RUNX2: variants seen among roughly 807,000 people sequenced by gnomAD.
RUNX2 encodes runt-related transcription factor 2.
A neutral mutation model predicts 51.7 loss-of-function variants in RUNX2; 10 were observed. The ratio of observed to expected loss-of-function variants is 0.19; its 90% CI spans 0.12 to 0.33. The LOEUF is 0.33. RUNX2 is among the 10% of genes least tolerant of loss of function. The pLI is 1.00. For synonymous variants in RUNX2, 276 were observed against 273.6 expected (o/e 1.01, Z -0.09); for missense variants, 562 against 691.3 (o/e 0.81, Z 2.10).
At chr6:45,328,517 T>C in intron 1 of RUNX2, 57 bp downstream of exon 1, 2 of 1,555,790 alleles carry the variant, frequency 1.3e-6, no homozygotes, top group East Asian at 4.8e-5. Context: ...AAATATTTGC[T>C]CATTCTCTTT....
At chr6:45,419,445 GA>G (rs1057094144) in intron 2 of RUNX2, among the ~76,000 whole-genome samples, 3 of 151,794 alleles carry the variant, frequency 2.0e-5, no homozygotes, top group South Asian at 4.2e-4. Context: ...AAAAAGGCAG[GA>G]AAAAAAAGCC....
At chr6:45,496,166 T>C (rs1174854005) in intron 6 of RUNX2, among the ~76,000 whole-genome samples, 1 of 152,166 alleles carries the variant, frequency 6.6e-6, no homozygotes, top group Non-Finnish European at 1.5e-5. Context: ...TTGGGAGATA[T>C]CGCTTAAGAT....
intron 4 of RUNX2, among the ~76,000 whole-genome samples, chr6:45,433,613 G>A (rs1240140344): frequency 6.6e-6 from 1 of 152,050 alleles, no homozygotes; most frequent in African/African-American, 2.4e-5. Flanking sequence ...TATAGATGCT[G>A]CATAACTTTT....
At chr6:45,446,276 G>A (rs908206963) in intron 5 of RUNX2, among the ~76,000 whole-genome samples, 2 of 152,190 alleles carry the variant, frequency 1.3e-5, no homozygotes, top group African/African-American at 2.4e-5. Context: ...CAAGAGCACA[G>A]TTTCCACATG....
At chr6:45,354,546 A>G (rs1382257701) in intron 2 of RUNX2, among the ~76,000 whole-genome samples, 1 of 117,690 alleles carries the variant, frequency 8.5e-6, no homozygotes. Context: ...GGATTGTCTC[A>G]GTTTCCTTGG....
At chr6:45,360,934 T>C (rs1286308475) in intron 2 of RUNX2, among the ~76,000 whole-genome samples, 1 of 152,172 alleles carries the variant, frequency 6.6e-6, no homozygotes, top group Non-Finnish European at 1.5e-5. Context: ...CTAGACTATA[T>C]GCCTCTTGAA....
rs1308653244 is a variant in RUNX2 at position 45,531,659 on chromosome 6, C to T, written c.1022-13558C>T. 4.0e-5 allele frequency among the ~76,000 whole-genome samples: 6 copies of T among 151,652 alleles called. No homozygotes were observed. The South Asian group carries it at 8.3e-4, about 21-fold the overall frequency. On this transcript the variant is annotated intron_variant, in intron 7 of 8. Coordinates refer to ENST00000647337, the MANE Select transcript of RUNX2 (RefSeq NM_001024630.4). ...TCCCAGCTACTTGGGAGGCTGAGGC[C>T]GGAGAATCGCTTGAACCCAGGAGAC...
At chr6:45,366,264 G>T (rs1395658242) in intron 2 of RUNX2, among the ~76,000 whole-genome samples, 1 of 152,134 alleles carries the variant, frequency 6.6e-6, no homozygotes, top group Non-Finnish European at 1.5e-5. Flanking sequence ...AAACTAAGAG[G>T]GCAGGTTCTG....
chr6:45,402,152 A>C (rs1192620357), intron 2 of RUNX2, among the ~76,000 whole-genome samples: 3 of 152,222 alleles, frequency 2.0e-5, no homozygotes, highest in Admixed American at 6.5e-5. Flanking sequence ...TTTGTTTGCC[A>C]CTTCACTTTC....
chr6:45,545,135 C>T, intron 7 of RUNX2, 82 bp from the exon 8 acceptor site: 1 of 1,183,794 alleles, frequency 8.4e-7, no homozygotes. Context: ...AAGGCTGTTG[C>T]TTCTCCTTCT....
chr6:45,468,230 T>G (rs951265800), intron 5 of RUNX2, among the ~76,000 whole-genome samples: 1 of 152,222 alleles, frequency 6.6e-6, no homozygotes, highest in African/African-American at 2.4e-5. Context: ...TTTACTATCC[T>G]CAATGAAATC....
intron 2 of RUNX2, among the ~76,000 whole-genome samples, chr6:45,403,248 T>TTTTTTTG (rs572753634): frequency 4.0e-4 from 58 of 144,648 alleles, no homozygotes; most frequent in South Asian, 1.4e-3. Flanking sequence ...TTTTTTTTTT[T>TTTTTTTG]TTGAGACGGA....
intron 2 of RUNX2, among the ~76,000 whole-genome samples, chr6:45,412,942 G>T (rs1388079871): frequency 6.6e-6 from 1 of 151,968 alleles, no homozygotes; most frequent in Non-Finnish European, 1.5e-5. Context: ...GTAGAGGCGG[G>T]GTTTCACCAT....
intron 7 of RUNX2, among the ~76,000 whole-genome samples, chr6:45,532,047 G>A (rs191545906): frequency 5.3e-5 from 8 of 151,808 alleles, no homozygotes; most frequent in African/African-American, 1.9e-4. Context: ...AAAGTTAGTA[G>A]TGTTCCCATT....
intron 7 of RUNX2, among the ~76,000 whole-genome samples, chr6:45,517,043 G>GCC (rs1801353599): frequency 2.6e-5 from 4 of 152,082 alleles, no homozygotes; most frequent in African/African-American, 9.7e-5. Context: ...TTGGCATAAT[G>GCC]AAGTAGAAGG....
At position 45,366,237 on chromosome 6, in the gene RUNX2, T is replaced by G. The variant is rs541754470; in HGVS notation, c.58+37453T>G. On this transcript the variant is annotated intron_variant, in intron 2 of 8. Coordinates refer to ENST00000647337, the MANE Select transcript of RUNX2 (RefSeq NM_001024630.4). ...TAGAACATATGATAAAGTAAAGCAGTGCAGAGGACTTTCAGTAAACTAAGA... is the reference window on the plus strand; with the variant it reads ...TAGAACATATGATAAAGTAAAGCAGGGCAGAGGACTTTCAGTAAACTAAGA... Among the ~76,000 whole-genome samples, 84 of 152,340 alleles carry G rather than the reference T, an allele frequency of 5.5e-4. No homozygotes were observed. The South Asian group carries it at 0.017, about 31-fold the overall frequency.
chr6:45,432,994 C>A (rs959470520), intron 4 of RUNX2, among the ~76,000 whole-genome samples: 1 of 152,162 alleles, frequency 6.6e-6, no homozygotes, highest in Non-Finnish European at 1.5e-5. Context: ...ACTTTTTAAA[C>A]CATGTCTAAT....
At chr6:45,488,396 C>G (rs1385474323) in intron 5 of RUNX2, among the ~76,000 whole-genome samples, 1 of 152,056 alleles carries the variant, frequency 6.6e-6, no homozygotes, top group East Asian at 1.9e-4. Flanking sequence ...TTTGGGACAT[C>G]CCAGGGTAGA....
chr6:45,504,215 A>G (rs1238464028), intron 6 of RUNX2, among the ~76,000 whole-genome samples: 6 of 152,184 alleles, frequency 3.9e-5, no homozygotes, highest in Non-Finnish European at 8.8e-5. Context: ...CTGCATTGTC[A>G]GCTACCTTTC....
Sources: gnomAD v4.1 joint callset for allele counts (sites outside exome capture counted in the v4.1 genomes callset) on GRCh38, gnomAD v4.1.1 for gene constraint, MANE v1.5 for transcripts, NCBI Gene and HGNC (gene_info 2026-07-23, HGNC 2026-07-21) for gene names.